The following RAE1 variants were observed in gnomAD, a reference collection of about 807,000 sequenced individuals.
RAE1 encodes the protein ribonucleic acid export 1.
RAE1 carries 13 observed loss-of-function variants against 52.7 expected under a neutral mutation model. That is an observed-to-expected ratio of 0.25 (90% CI 0.16 to 0.39). The LOEUF (loss-of-function observed/expected upper bound fraction) is 0.39. Among genes scored for constraint, RAE1 ranks in the 10% least tolerant of loss-of-function variants. The probability of loss-of-function intolerance (pLI) is 1.00; values close to 1 mark genes in which losing one functional copy is unlikely to be tolerated. For synonymous variants in RAE1, 164 were observed against 153.1 expected (o/e 1.07, Z -0.52); for missense variants, 262 against 459.8 (o/e 0.57, Z 3.93).
chr20:57,363,436 C>G (rs952581120), intron 4 of RAE1, among the ~76,000 whole-genome samples: 15 of 152,126 alleles, frequency 9.9e-5, no homozygotes, highest in African/African-American at 3.6e-4. Context: ...TCACTTGATC[C>G]CAGGAGACTG....
At chr20:57,351,777 C>T in intron 1 of RAE1, 4 of 985,524 alleles carry the variant, frequency 4.1e-6, no homozygotes, top group African/African-American at 1.7e-5. Context: ...AGGGCGTCCC[C>T]TTTTAGCCTC....
At chr20:57,358,443 T>TAAC (rs1438745452) in intron 4 of RAE1, 2 of 152,364 alleles carry the variant, frequency 1.3e-5, no homozygotes, top group Non-Finnish European at 2.9e-5. Flanking sequence ...TCTGCCATCT[T>TAAC]AACAAACCCT....
intron 8 of RAE1, chr20:57,371,003 C>T (rs1207468364): frequency 6.6e-6 from 1 of 152,230 alleles, no homozygotes; most frequent in Non-Finnish European, 1.5e-5. Context: ...CTGATTGGAA[C>T]TTTCCCTCTC....
intron 8 of RAE1, among the ~76,000 whole-genome samples, chr20:57,369,758 G>C (rs1339853476): frequency 6.6e-6 from 1 of 152,142 alleles, no homozygotes; most frequent in Non-Finnish European, 1.5e-5. Context: ...CTGCACTCTT[G>C]TCAGCTTCTC....
intron 1 of RAE1, chr20:57,351,967 G>A: frequency 1.0e-6 from 1 of 985,458 alleles, no homozygotes; most frequent in Non-Finnish European, 1.2e-6. Context: ...ATTGTACTGT[G>A]GGACCCAGTA....
At chr20:57,377,437 T>G (rs1352923460) in intron 11 of RAE1, among the ~76,000 whole-genome samples, 1 of 152,244 alleles carries the variant, frequency 6.6e-6, no homozygotes, top group Non-Finnish European at 1.5e-5. Context: ...CACAGCCCTG[T>G]AGTCTGGCCT....
intron 8 of RAE1, chr20:57,372,023 A>C (rs1800630862): frequency 6.6e-6 from 1 of 152,228 alleles, no homozygotes; most frequent in African/African-American, 2.4e-5. Flanking sequence ...GGGGAGAGGG[A>C]AATGGGGAGC....
At chr20:57,354,897 A>G (rs978005285) in intron 3 of RAE1, 81 bp downstream of exon 3, 4 of 1,077,188 alleles carry the variant, frequency 3.7e-6, no homozygotes, top group Non-Finnish European at 5.3e-6. Flanking sequence ...TTGTTTCCCA[A>G]GTAAATGAAT....
At chr20:57,358,373 G>C (rs199981473) in intron 4 of RAE1, 1 of 152,244 alleles carries the variant, frequency 6.6e-6, no homozygotes, top group East Asian at 1.9e-4. Context: ...CAGGCATGTT[G>C]TTAAGAAGAG....
At position 57,378,459 on chromosome 20, in the gene RAE1, C is replaced by T. The variant is rs781047294; in HGVS notation, c.*360C>T. On this transcript the variant is annotated 3_prime_UTR_variant, in exon 12 of 12. Transcript: ENST00000395841. ...TAATAAAGTCTTTTGCAGATTGCTT[C>T]CCGAGCTTCCTTTGTCCTTTTCTCC... 1.4e-4 allele frequency: 26 copies of T among 189,932 alleles called. No homozygotes were observed. The highest frequency in any genetic ancestry group is 8.1e-4 in the Admixed American group (14 of 17,370). The allele number at this position is 189,932 out of a possible 1,614,324, so 11.8% of individuals were successfully genotyped here. A position where few individuals can be genotyped will look rare whatever the true frequency, so the allele number is the denominator to read the frequency against.
chr20:57,376,693 T>C (rs528203063), intron 11 of RAE1, among the ~76,000 whole-genome samples: 4 of 152,284 alleles, frequency 2.6e-5, no homozygotes, highest in Non-Finnish European at 5.9e-5. Context: ...TGGCTGGGGG[T>C]GGACAGGCTG....
chr20:57,358,836 A>T, intron 4 of RAE1: 1 of 519,242 alleles, frequency 1.9e-6, no homozygotes. Context: ...AGGAGGTTGA[A>T]TTATGCTCCG....
intron 10 of RAE1, 116 bp downstream of exon 10, chr20:57,373,854 C>T (rs1007959889): frequency 6.9e-5 from 76 of 1,095,956 alleles, no homozygotes; most frequent in African/African-American, 6.3e-4. Context: ...TGTTCATGTC[C>T]GGAGATAAGT....
intron 1 of RAE1, among the ~76,000 whole-genome samples, chr20:57,353,535 C>T (rs1370086995): frequency 1.3e-5 from 2 of 152,214 alleles, no homozygotes; most frequent in Non-Finnish European, 1.5e-5. Context: ...ACTGGTTGTT[C>T]TAGGTAGTTT....
At chr20:57,367,634 G>A (rs1011850150) in intron 7 of RAE1, among the ~76,000 whole-genome samples, 1 of 151,696 alleles carries the variant, frequency 6.6e-6, no homozygotes, top group Non-Finnish European at 1.5e-5. Flanking sequence ...TAGCTATTCG[G>A]GAGGCTGACG....
intron 8 of RAE1, chr20:57,372,827 G>C (rs1379956165): frequency 6.6e-6 from 1 of 152,428 alleles, no homozygotes; most frequent in Non-Finnish European, 1.5e-5. Context: ...GCTTTGGCCA[G>C]GTTGCCACGA....
intron 11 of RAE1, 152 bp downstream of exon 11, chr20:57,374,953 A>C (rs2146179732): frequency 1.2e-6 from 1 of 838,588 alleles, no homozygotes; most frequent in Non-Finnish European, 2.0e-6. Flanking sequence ...AAATTGCAGG[A>C]CTTCCTCAAA....
intron 2 of RAE1, 27 bp from the exon 3 acceptor site, chr20:57,354,685 A>AT: frequency 6.6e-7 from 1 of 1,515,778 alleles, no homozygotes; most frequent in Non-Finnish European, 8.9e-7. Flanking sequence ...GCGTGCATAC[A>AT]TTTTAACATT....
intron 4 of RAE1, among the ~76,000 whole-genome samples, chr20:57,361,055 T>A (rs748614612): frequency 1.3e-4 from 20 of 152,020 alleles, no homozygotes; most frequent in Non-Finnish European, 2.5e-4. Flanking sequence ...CTACATTAAC[T>A]GTGTAGAATA....
Sources: gnomAD v4.1 joint callset for allele counts (sites outside exome capture counted in the v4.1 genomes callset) on GRCh38, gnomAD v4.1.1 for gene constraint, MANE v1.5 for transcripts, NCBI Gene and HGNC (gene_info 2026-07-23, HGNC 2026-07-21) for gene names.